The following FMNL2 variants were observed in gnomAD, a reference collection of about 807,000 sequenced individuals.
The protein encoded by FMNL2 is formin like 2.
Under a neutral mutation model 130.2 loss-of-function variants are expected in FMNL2, and 51 were observed. The ratio of observed to expected loss-of-function variants is 0.39; its 90% confidence interval spans 0.31 to 0.49. The LOEUF (loss-of-function observed/expected upper bound fraction) is 0.49. FMNL2 is among the 20% of genes least tolerant of loss of function. The pLI is 0.85. For synonymous variants in FMNL2, 465 were observed against 467.1 expected, an observed-to-expected ratio of 1.00 and a Z score of 0.06; for missense variants, 977 against 1,316.2, an observed-to-expected ratio of 0.74 and a Z score of 3.99.
intron 6 of FMNL2, among the ~76,000 whole-genome samples, chr2:152,562,505 T>C (rs1356568688): frequency 6.6e-6 from 1 of 152,212 alleles, no homozygotes; most frequent in Non-Finnish European, 1.5e-5. Flanking sequence ...TGTAATGAAG[T>C]TAAGTTCTGC....
chr2:152,622,482 C>G (rs1385448712), intron 15 of FMNL2: 2 of 456,600 alleles, frequency 4.4e-6, no homozygotes, highest in African/African-American at 4.0e-5. Context: ...CCACTTGACT[C>G]TAACCATATC....
rs1229269821 is a variant in FMNL2, at chr2:152,351,749, G to C, written c.117+16029G>C. Reference sequence around the variant, plus strand: ...GATTGCTGGGTCAAATGGTATTTCTGGTTCTAGATCCTGGAGGAATCACCA... The same window carrying C: ...GATTGCTGGGTCAAATGGTATTTCTCGTTCTAGATCCTGGAGGAATCACCA... On this transcript the variant is annotated intron_variant, in intron 1 of 25. Coordinates refer to ENST00000288670, the MANE Select transcript of FMNL2 (RefSeq NM_052905.4). 3.9e-5 allele frequency among the ~76,000 whole-genome samples: 6 copies of C among 152,202 alleles called. No individual in the cohort carries two copies. In the East Asian group the frequency reaches 9.6e-4, roughly 24 times the overall value.
At chr2:152,467,470 G>T (rs889902604) in intron 1 of FMNL2, among the ~76,000 whole-genome samples, 1 of 152,072 alleles carries the variant, frequency 6.6e-6, no homozygotes, top group South Asian at 2.1e-4. Context: ...TCTTCCCTCG[G>T]CCCCTGTTTC....
At chr2:152,353,560 G>A (rs1184879055) in intron 1 of FMNL2, among the ~76,000 whole-genome samples, 3 of 152,100 alleles carry the variant, frequency 2.0e-5, no homozygotes, top group Non-Finnish European at 4.4e-5. Context: ...TTATGATCTT[G>A]GACTTTGGAC....
intron 1 of FMNL2, among the ~76,000 whole-genome samples, chr2:152,520,477 C>T (rs1263029455): frequency 1.3e-5 from 2 of 151,930 alleles, no homozygotes; most frequent in Admixed American, 1.3e-4. Context: ...CTCCTGTAAT[C>T]CCAGCTACTT....
At chr2:152,449,325 T>C (rs1165251722) in intron 1 of FMNL2, among the ~76,000 whole-genome samples, 1 of 152,218 alleles carries the variant, frequency 6.6e-6, no homozygotes, top group Non-Finnish European at 1.5e-5. Flanking sequence ...TTTTCCTTTT[T>C]TTCTCTGCTC....
intron 1 of FMNL2, among the ~76,000 whole-genome samples, chr2:152,467,138 G>A (rs1324470678): frequency 1.3e-5 from 2 of 152,088 alleles, no homozygotes; most frequent in Non-Finnish European, 2.9e-5. Context: ...CCCGTTTCCT[G>A]GGCAGAATCT....
At chr2:152,623,982 A>G (rs746454511) in intron 15 of FMNL2, among the ~76,000 whole-genome samples, 5 of 148,702 alleles carry the variant, frequency 3.4e-5, no homozygotes, top group Non-Finnish European at 7.4e-5. Flanking sequence ...TTGCTTTTCA[A>G]AATGAAGGGC....
intron 9 of FMNL2, among the ~76,000 whole-genome samples, chr2:152,603,817 G>C (rs1698218204): frequency 6.6e-6 from 1 of 151,018 alleles, no homozygotes; most frequent in Non-Finnish European, 1.5e-5. Context: ...TATAGTAACT[G>C]TGTTTGTGTT....
intron 1 of FMNL2, among the ~76,000 whole-genome samples, chr2:152,504,010 C>A (rs1185438241): frequency 6.6e-6 from 1 of 152,104 alleles, no homozygotes; most frequent in Admixed American, 6.5e-5. Flanking sequence ...GTCAACATGA[C>A]AAAATTCCGT....
At chr2:152,385,563 C>G (rs1334307622) in intron 1 of FMNL2, among the ~76,000 whole-genome samples, 1 of 152,158 alleles carries the variant, frequency 6.6e-6, no homozygotes, top group Non-Finnish European at 1.5e-5. Flanking sequence ...ATATAATGCT[C>G]ACTGTCCTGG....
intron 1 of FMNL2, among the ~76,000 whole-genome samples, chr2:152,488,804 G>T (rs1459358778): frequency 6.6e-6 from 1 of 152,230 alleles, no homozygotes; most frequent in Non-Finnish European, 1.5e-5. Flanking sequence ...CAAGCCAGGT[G>T]TGGTGGCTCA....
At chr2:152,351,907 G>T (rs970924456) in intron 1 of FMNL2, among the ~76,000 whole-genome samples, 1 of 152,164 alleles carries the variant, frequency 6.6e-6, no homozygotes, top group Non-Finnish European at 1.5e-5. Context: ...GGCATGAGGT[G>T]GTATCTCATC....
At chr2:152,352,885 A>G (rs966057999) in intron 1 of FMNL2, among the ~76,000 whole-genome samples, 3 of 152,022 alleles carry the variant, frequency 2.0e-5, no homozygotes, top group Non-Finnish European at 4.4e-5. Context: ...GATAACCCAT[A>G]GACTTGGACT....
rs558425546 is a variant in FMNL2 at position 152,413,518 on chromosome 2, T to TG, written c.117+77803dup. ...AGCCTGGTACTTGGAGGCTGGGGCA[T>TG]GGGGGAGGAGGAGAAGGTGGGGCAA... On this transcript the variant is annotated intron_variant, in intron 1 of 25. Coordinates refer to ENST00000288670, the MANE Select transcript of FMNL2 (RefSeq NM_052905.4). Among the ~76,000 whole-genome samples the TG allele has an allele frequency of 7.7e-4, 117 of 152,184 alleles. 1 individual carries two copies. In the Middle Eastern group the frequency reaches 0.01, roughly 13 times the overall value.
intron 6 of FMNL2, among the ~76,000 whole-genome samples, chr2:152,572,047 T>A (rs1278173244): frequency 1.3e-5 from 2 of 152,162 alleles, no homozygotes; most frequent in African/African-American, 4.8e-5. Flanking sequence ...CAACACCAGG[T>A]AGTAAGATTT....
rs1163993397 is a variant in FMNL2 at position 152,364,259 on chromosome 2, G to GTTTTTTT, written c.117+28540_117+28541insTTTTTTT. 1.1e-3 allele frequency among the ~76,000 whole-genome samples: 110 copies of GTTTTTTT among 100,710 alleles called. 1 individual carries two copies. The highest frequency in any genetic ancestry group is 6.8e-3 in the East Asian group (10 of 1,472). The allele number at this position is 100,710 out of a possible 152,430, so 66.1% of individuals were successfully genotyped here. A position where few individuals can be genotyped will look rare whatever the true frequency, so the allele number is the denominator to read the frequency against. On this transcript the variant is annotated intron_variant, in intron 1 of 25. Transcript: ENST00000288670. ...GTTTCACATCCGTTAGGAGGTTTGTGTGTTTTTTTTTTTTTTTTTTTTTTT... is the reference window on the plus strand; with the variant it reads ...GTTTCACATCCGTTAGGAGGTTTGTGTTTTTTTTGTTTTTTTTTTTTTTTTTTTTTTT...
chr2:152,437,654 G>T (rs571980948), intron 1 of FMNL2, among the ~76,000 whole-genome samples: 2 of 151,926 alleles, frequency 1.3e-5, no homozygotes, highest in African/African-American at 4.8e-5. Context: ...ACAGTCTATC[G>T]GTTTGTGTGA....
intron 1 of FMNL2, among the ~76,000 whole-genome samples, chr2:152,520,230 T>C (rs1048093242): frequency 1.3e-5 from 2 of 152,336 alleles, no homozygotes; most frequent in African/African-American, 2.4e-5. Context: ...GGCAGTACCA[T>C]TGAAAACTCT....
Sources: gnomAD v4.1 joint callset for allele counts (sites outside exome capture counted in the v4.1 genomes callset) on GRCh38, gnomAD v4.1.1 for gene constraint, MANE v1.5 for transcripts, NCBI Gene and HGNC (gene_info 2026-07-23, HGNC 2026-07-21) for gene names.